PTPRD: variants seen among roughly 807,000 people sequenced by gnomAD.
PTPRD encodes the protein protein tyrosine phosphatase receptor type D, also known as receptor-type tyrosine-protein phosphatase delta.
Under a neutral mutation model 214.5 loss-of-function variants are expected in PTPRD, and 34 were observed. That is an observed-to-expected ratio of 0.16 (90% CI 0.12 to 0.21). The LOEUF (loss-of-function observed/expected upper bound fraction) is 0.21, where lower values mean the gene tolerates loss of function less well. PTPRD is among the 10% of genes least tolerant of loss of function. The pLI is 1.00. For synonymous variants in PTPRD, 1,128 were observed against 845.7 expected, an observed-to-expected ratio of 1.33 and a Z score of -5.79; for missense variants, 2,545 against 2,398.7, an observed-to-expected ratio of 1.06 and a Z score of -1.27.
At chr9:10,122,897 G>A (rs919062729) in intron 3 of PTPRD, among the ~76,000 whole-genome samples, 4 of 152,194 alleles carry the variant, frequency 2.6e-5, no homozygotes, top group Admixed American at 1.3e-4. Context: ...TTCCTTGACA[G>A]AGGCAGCCTG....
At chr9:9,836,572 T>C (rs375582119) in intron 5 of PTPRD, among the ~76,000 whole-genome samples, 1 of 152,138 alleles carries the variant, frequency 6.6e-6, no homozygotes, top group African/African-American at 2.4e-5. Flanking sequence ...TTGTAGTTTA[T>C]TGGGTGGTTG....
At chr9:8,358,396 A>G (rs190977519) in intron 39 of PTPRD, among the ~76,000 whole-genome samples, 47 of 152,268 alleles carry the variant, frequency 3.1e-4, no homozygotes, top group African/African-American at 1.1e-3. Context: ...AACAGAGCAA[A>G]TGGTCTTTGA....
chr9:8,877,265 G>A (rs1054683095), intron 11 of PTPRD, among the ~76,000 whole-genome samples: 5 of 152,120 alleles, frequency 3.3e-5, no homozygotes, highest in Non-Finnish European at 7.4e-5. Context: ...CAAATTAGAA[G>A]AAGAAACGTA....
At chr9:9,694,622 C>T (rs2097337020) in intron 7 of PTPRD, among the ~76,000 whole-genome samples, 1 of 152,024 alleles carries the variant, frequency 6.6e-6, no homozygotes, top group Admixed American at 6.6e-5. Flanking sequence ...AAAACCTTAG[C>T]AACTGATGTT....
At chr9:10,208,388 C>T (rs1394953606) in intron 3 of PTPRD, among the ~76,000 whole-genome samples, 3 of 152,254 alleles carry the variant, frequency 2.0e-5, no homozygotes, top group African/African-American at 4.8e-5. Context: ...GTGGCGGGCG[C>T]CTGTAGTCCC....
chr9:10,366,884 G>A (rs1257300476), intron 2 of PTPRD, among the ~76,000 whole-genome samples: 1 of 152,080 alleles, frequency 6.6e-6, no homozygotes, highest in East Asian at 1.9e-4. Flanking sequence ...AAGACTATGA[G>A]TATAGACTAT....
intron 11 of PTPRD, among the ~76,000 whole-genome samples, chr9:8,801,634 T>C (rs924566627): frequency 6.6e-6 from 1 of 152,178 alleles, no homozygotes; most frequent in African/African-American, 2.4e-5. Context: ...GAGAATCACT[T>C]GAGCCCGGGA....
intron 2 of PTPRD, among the ~76,000 whole-genome samples, chr9:10,556,812 T>C (rs1330394257): frequency 6.6e-6 from 1 of 152,082 alleles, no homozygotes; most frequent in East Asian, 1.9e-4. Flanking sequence ...ATTGGTACAA[T>C]ACAGTAAAAA....
chr9:9,936,638 T>G (rs2089546351), intron 5 of PTPRD, among the ~76,000 whole-genome samples: 1 of 132,078 alleles, frequency 7.6e-6, no homozygotes, highest in Non-Finnish European at 1.5e-5. Flanking sequence ...GACTGTAAAC[T>G]AGTTCAACCA....
At chr9:8,852,581 G>T (rs1049679112) in intron 11 of PTPRD, among the ~76,000 whole-genome samples, 2 of 152,184 alleles carry the variant, frequency 1.3e-5, no homozygotes, top group African/African-American at 4.8e-5. Context: ...GAAGAGGGAA[G>T]AACATAAGTT....
intron 5 of PTPRD, among the ~76,000 whole-genome samples, chr9:9,813,137 C>A (rs550825994): frequency 6.6e-6 from 1 of 151,846 alleles, no homozygotes; most frequent in Non-Finnish European, 1.5e-5. Context: ...ATGTATAAGA[C>A]GCAGTACAAG....
At chr9:9,957,500 T>C (rs955481245) in intron 4 of PTPRD, among the ~76,000 whole-genome samples, 1 of 152,146 alleles carries the variant, frequency 6.6e-6, no homozygotes, top group Admixed American at 6.5e-5. Context: ...TCCGATGATT[T>C]AAAAATAATT....
intron 7 of PTPRD, among the ~76,000 whole-genome samples, chr9:9,639,299 A>C (rs1355334607): frequency 6.6e-6 from 1 of 152,170 alleles, no homozygotes; most frequent in African/African-American, 2.4e-5. Flanking sequence ...TAGTGCCTAC[A>C]TTTTATAGTT....
rs118057085 is a variant in PTPRD at position 8,436,412 on chromosome 9, G to A, written c.4086+180C>T. ...AACATAAAATTAACTTTTTCAAACT[G>A]TAATTACTATATTGCTTGTGCAGAC... On this transcript the variant is annotated intron_variant, in intron 35 of 45. Coordinates refer to ENST00000381196, the MANE Select transcript of PTPRD (RefSeq NM_002839.4). 6.0e-3 allele frequency among the ~76,000 whole-genome samples: 919 copies of A among 152,236 alleles called. 3 individuals carry two copies. The highest frequency in any genetic ancestry group is 0.01 in the Non-Finnish European group (698 of 68,020).
At chr9:9,140,391 G>A (rs1025262286) in intron 10 of PTPRD, among the ~76,000 whole-genome samples, 1 of 151,852 alleles carries the variant, frequency 6.6e-6, no homozygotes, top group African/African-American at 2.4e-5. Context: ...GTCTTCTTGT[G>A]TAACACCAAA....
At chr9:9,640,898 G>C (rs768268495) in intron 7 of PTPRD, among the ~76,000 whole-genome samples, 2 of 152,230 alleles carry the variant, frequency 1.3e-5, no homozygotes, top group African/African-American at 2.4e-5. Flanking sequence ...AAGCACTGCA[G>C]ACACTAAGTG....
chr9:8,631,629 T>C (rs2096255105), intron 14 of PTPRD, among the ~76,000 whole-genome samples: 1 of 151,868 alleles, frequency 6.6e-6, no homozygotes, highest in Non-Finnish European at 1.5e-5. Flanking sequence ...GTGCTGGAAA[T>C]CTCACTTGTA....
chr9:8,422,421 C>G (rs2094430860), intron 35 of PTPRD, among the ~76,000 whole-genome samples: 6 of 151,946 alleles, frequency 3.9e-5, no homozygotes, highest in Admixed American at 3.9e-4. Flanking sequence ...TTTCAGAAAA[C>G]ATTTTTATGT....
chr9:8,331,483 A>T, intron 44 of PTPRD, 99 bp downstream of exon 44: 1 of 1,380,580 alleles, frequency 7.2e-7, no homozygotes, highest in Non-Finnish European at 9.9e-7. Context: ...CATTGCCAAG[A>T]ATAAAATTTC....
Sources: allele counts gnomAD v4.1 joint callset (sites outside exome capture counted in the v4.1 genomes callset), GRCh38; gene constraint gnomAD v4.1.1; transcripts MANE v1.5; gene names NCBI Gene and HGNC (gene_info 2026-07-23, HGNC 2026-07-21).